The following ABCA2 variants were observed in gnomAD, a reference collection of about 807,000 sequenced individuals.
ABCA2 encodes ATP-binding cassette sub-family A member 2.
Under a neutral mutation model 262.8 loss-of-function variants are expected in ABCA2, and 84 were observed. That is an observed-to-expected ratio of 0.32 (90% CI 0.27 to 0.38). The LOEUF is 0.38. Ranked by LOEUF, ABCA2 falls within the 10% of genes least tolerant of loss-of-function variation. The probability of loss-of-function intolerance (pLI) is 1.00; values close to 1 mark genes in which losing one functional copy is unlikely to be tolerated. For synonymous variants in ABCA2, 1,696 were observed against 1,502.9 expected (o/e 1.13, Z -2.97); for missense variants, 2,662 against 3,405.9 (o/e 0.78, Z 5.44).
At chr9:137,023,812 C>A in intron 3 of ABCA2, 26 bp downstream of exon 3, 2 of 762,648 alleles carry the variant, frequency 2.6e-6, no homozygotes, top group Non-Finnish European at 4.8e-6. Context: ...CCCAGGCCAG[C>A]CAGGAGGAGG....
At chr9:137,017,369 C>T in intron 17 of ABCA2, 23 bp from the exon 18 acceptor site, 1 of 1,610,678 alleles carries the variant, frequency 6.2e-7, no homozygotes, top group Non-Finnish European at 8.5e-7. Flanking sequence ...GGGCCACGCG[C>T]ACCGTCATCC....
rs528850695 is a variant in ABCA2 at position 137,024,912 on chromosome 9, C to T, written c.67-676G>A. Among the ~76,000 whole-genome samples the T allele has an allele frequency of 8.5e-5, 13 of 152,070 alleles. No homozygotes were observed. In the East Asian group the frequency reaches 2.1e-3, roughly 25 times the overall value. ...CCCCCAAGTTCACACCATTCTCTTG[C>T]CTCAGCCTCTCGAGTAGCTGGGACT... On this transcript the variant is annotated intron_variant, in intron 1 of 48. Coordinates refer to ENST00000341511, the MANE Select transcript of ABCA2 (RefSeq NM_001606.5).
rs986426608 is a variant in ABCA2, at chr9:137,011,000, C to T, written c.6029G>A (p.Cys2010Tyr). The change falls in exon 39 of 49, where the codon TGC (cysteine) becomes TAC (tyrosine). Residue 2010 changes from cysteine (C) to tyrosine (Y), a missense_variant. By Grantham distance (194) the Cys-to-Tyr change is radical. This residue lies in a region of ABCA2 where 602 missense variants were observed against 897.4 expected (regional missense o/e 0.67). Coordinates refer to ENST00000341511, the MANE Select transcript of ABCA2 (RefSeq NM_001606.5). ...TGGCCGCCGCAGGAAGTTGTACTGG[C>T]ACATGATGGTCAGGAGGAAGCCCAC... ...GVVGFLLTIM[C>Y]QYNFLRRPQR... 15 of 1,595,856 alleles carry T rather than the reference C, an allele frequency of 9.4e-6. No individual in the cohort carries two copies. Among genetic ancestry groups the T allele is most frequent in the Admixed American group, 3.4e-5 (2 of 58,724 alleles).
rs932366501 is a variant in ABCA2, at chr9:137,008,575, C to T, written c.7116G>A (p.Gln2372=). 2 of 1,609,552 alleles carry T rather than the reference C, an allele frequency of 1.2e-6. No homozygotes were observed. Among genetic ancestry groups the T allele is most frequent in the Non-Finnish European group, 1.7e-6 (2 of 1,178,638 alleles). The part of the protein sequence containing the change: ...AKKQSDNLEQ[Q]ETEPPSALQS... ...GCAGTGCGGATGGCGGCTCCGTCTC[C>T]TGCTGCTCCAGGTTGTCACTCTGCT... The change falls in exon 48 of 49, where the codon CAG becomes CAA. Residue 2372 remains glutamine (Q), a synonymous_variant. Transcript: ENST00000341511.
In ABCA2 at chr9:137,016,383, C is replaced by T; in HGVS notation, c.3012G>A (p.Lys1004=). Residue 1004 remains lysine, a synonymous_variant, in exon 21 of 49, where the codon AAG becomes AAA. Coordinates refer to ENST00000341511, the MANE Select transcript of ABCA2 (RefSeq NM_001606.5). ...GGCTCAGCTTGTTCAGGGCCAGCTT[C>T]TTGTCGTCCTTGTAGACCTTGGTGA... ...DKLTKVYKDD[K]KLALNKLSLN... The T allele has an allele frequency of 6.2e-7, 1 of 1,612,952 alleles. No individual in the cohort carries two copies. The highest frequency in any genetic ancestry group is 8.5e-7 in the Non-Finnish European group (1 of 1,180,004).
chr9:137,014,767 C>T lies in ABCA2; in HGVS notation c.3926G>A (p.Gly1309Glu). ...SLDALHLSSF[G>E]LMDTTLEEVF... Reference sequence around the variant, plus strand: ...TTCCTCCAGGGTCGTGTCCATCAGCCCGAAGCTGCTGAGGTGCAGTGCATC... The same window carrying T: ...TTCCTCCAGGGTCGTGTCCATCAGCTCGAAGCTGCTGAGGTGCAGTGCATC... Residue 1309 changes from glycine (G) to glutamate (E), a missense_variant, in exon 26 of 49, where the codon GGG becomes GAG. Gly to Glu is a moderately conservative substitution (Grantham distance 98, BLOSUM62 -2). This residue lies in a region of ABCA2 where 297 missense variants were observed against 286.5 expected (regional missense o/e 1.04). Coordinates refer to ENST00000341511, the MANE Select transcript of ABCA2 (RefSeq NM_001606.5). 1.2e-6 allele frequency: 2 copies of T among 1,600,514 alleles called. No homozygotes were observed. Among genetic ancestry groups the T allele is most frequent in the Non-Finnish European group, 1.7e-6 (2 of 1,174,806 alleles).
Position 137,007,756 on chromosome 9 carries a change from G to A in ABCA2, c.*173C>T, listed in dbSNP as rs975307882. 1.8e-5 allele frequency: 16 copies of A among 887,280 alleles called. No individual in the cohort carries two copies. Among genetic ancestry groups the A allele is most frequent in the Non-Finnish European group, 2.6e-5 (15 of 575,930 alleles). 55.0% of individuals were successfully genotyped at this position (887,280 alleles called of 1,614,324 possible). Reference sequence around the variant, plus strand: ...GGCACAATTAGGGGCGGCAACCGCAGTGACCACAGGGCATGGCCGAGTACA... The same window carrying A: ...GGCACAATTAGGGGCGGCAACCGCAATGACCACAGGGCATGGCCGAGTACA... On this transcript the variant is annotated 3_prime_UTR_variant, in exon 49 of 49. Transcript: ENST00000341511.
chr9:137,013,119 G>A lies in ABCA2; in HGVS notation c.4750C>T (p.Leu1584=), dbSNP rs1424553849. The A allele has an allele frequency of 3.8e-6, 6 of 1,594,406 alleles. No homozygotes were observed. The highest frequency in any genetic ancestry group is 5.1e-6 in the Non-Finnish European group (6 of 1,172,938). Reference sequence around the variant, plus strand: ...GGTGGCACGAAATTGGACAGTGGCAGCCCCTGTGTGAAGGACTCCAGACAC... The same window carrying A: ...GGTGGCACGAAATTGGACAGTGGCAACCCCTGTGTGAAGGACTCCAGACAC... ...SMCLESFTQG[L]PLSNFVPPPP... is the part of the protein sequence containing the mutation. The change falls in exon 30 of 49, where the codon CTG becomes TTG. Residue 1584 remains leucine (L), a synonymous_variant. Coordinates refer to ENST00000341511, the MANE Select transcript of ABCA2 (RefSeq NM_001606.5).
At chr9:137,028,907 G>A, upstream of ABCA2, 1 of 1,291,274 alleles carries the variant, frequency 7.7e-7, no homozygotes, top group Non-Finnish European at 1.0e-6. This position sits in a 1 kb window ranked among gnomAD's most constrained non-coding sequence, Gnocchi z 6.9. Context: ...CAGGGAGTTC[G>A]GGATCAGGCG....
At position 137,011,459 on chromosome 9, in the gene ABCA2, C is replaced by G. The variant is rs868202013; in HGVS notation, c.5747G>C (p.Gly1916Ala). The G allele has an allele frequency of 1.2e-6, 2 of 1,610,200 alleles. No homozygotes were observed. Among genetic ancestry groups the G allele is most frequent in the Non-Finnish European group, 1.7e-6 (2 of 1,178,830 alleles). The part of the protein sequence containing the change: ...VFLIVINLFI[G>A]ITATVATFLL... ...GAAGGTGGCCACGGTGGCGGTGATG[C>G]CGATGAAGAGATTGATGACAATGAG... The change falls in exon 37 of 49, where the codon GGC becomes GCC. Residue 1916 changes from glycine (G) to alanine (A), a missense_variant. Coordinates refer to ENST00000341511, the MANE Select transcript of ABCA2 (RefSeq NM_001606.5). This position sits in a 1 kb window ranked among gnomAD's most constrained non-coding sequence, Gnocchi z 8.8.
chr9:137,014,333 T>G lies in ABCA2; in HGVS notation c.4075A>C (p.Asn1359His). ...GPASGEGHAG[N>H]LARCSELTQS... ...GTCAGCTCCGAGCACCGGGCCAGATTGCCAGCGTGACCCTCCCCAGACGCC... is the reference window on the plus strand; with the variant it reads ...GTCAGCTCCGAGCACCGGGCCAGATGGCCAGCGTGACCCTCCCCAGACGCC... The change falls in exon 27 of 49, where the codon AAT becomes CAT. Residue 1359 changes from asparagine (N) to histidine (H), a missense_variant. By Grantham distance (68) the Asn-to-His change is moderately conservative. Coordinates refer to ENST00000341511, the MANE Select transcript of ABCA2 (RefSeq NM_001606.5). 1 of 1,608,392 alleles carries G rather than the reference T, an allele frequency of 6.2e-7. No individual in the cohort carries two copies. Among genetic ancestry groups the G allele is most frequent in the Non-Finnish European group, 8.5e-7 (1 of 1,178,056 alleles).
At chr9:137,023,646 G>C in intron 3 of ABCA2, 192 bp downstream of exon 3, 1 of 687,092 alleles carries the variant, frequency 1.5e-6, no homozygotes, top group South Asian at 1.5e-5. Flanking sequence ...TTAGGTGGCC[G>C]GGCCTTTCAC....
Position 137,021,275 on chromosome 9 carries a change from G to A in ABCA2, c.897+117C>T, listed in dbSNP as rs1831444206. The stretch of plus-strand genomic sequence containing the variant: ...TGGTGCCATTGGATACCCACCCACA[G>A]GCAGCATCCCACGCACAGCCTGGGC... On this transcript the variant is annotated intron_variant, in intron 8 of 48. Transcript: ENST00000341511. The surrounding 1 kb of genome is among the most constrained non-coding windows in gnomAD (Gnocchi z 6.0). 1 of 1,373,106 alleles carries A rather than the reference G, an allele frequency of 7.3e-7. No homozygotes were observed. The highest frequency in any genetic ancestry group is 2.2e-5 in the Admixed American group (1 of 45,674). The allele number at this position is 1,373,106 out of a possible 1,614,324, so 85.1% of individuals were successfully genotyped here.
At chr9:137,023,625 C>A (rs1473175369) in intron 3 of ABCA2, 5 of 708,128 alleles carry the variant, frequency 7.1e-6, no homozygotes, top group Non-Finnish European at 1.3e-5. Context: ...ACCCAGGCAC[C>A]AGCTGTGCCT....
chr9:137,008,793 C>T lies in ABCA2; in HGVS notation c.7006G>A (p.Glu2336Lys). 6.2e-7 allele frequency: 1 copy of T among 1,603,788 alleles called. No homozygotes were observed. Among genetic ancestry groups the T allele is most frequent in the Non-Finnish European group, 8.5e-7 (1 of 1,177,768 alleles). Residue 2336 changes from glutamate to lysine, a missense_variant, in exon 47 of 49, where the codon GAG (glutamate) becomes AAG (lysine). By Grantham distance (56) the Glu-to-Lys change is moderately conservative. Around this residue, in one of 12 missense-constraint regions of ABCA2, gnomAD observed 212 missense variants for 214.4 expected, o/e 0.99. Coordinates refer to ENST00000341511, the MANE Select transcript of ABCA2 (RefSeq NM_001606.5). ...ISLAQVFSKM[E>K]QVSGVLGIED... is the part of the protein sequence containing the mutation. ...ATGCCCAGCACGCCAGACACCTGCTCCATCTTGCTGAACACCTGGGCCAGC... is the reference window on the plus strand; with the variant it reads ...ATGCCCAGCACGCCAGACACCTGCTTCATCTTGCTGAACACCTGGGCCAGC...
chr9:137,020,533 G>A (rs759291962), intron 9 of ABCA2, 38 bp from the exon 10 acceptor site: 8 of 1,556,352 alleles, frequency 5.1e-6, no homozygotes, highest in Non-Finnish European at 4.3e-6. Context: ...AGGCCGTTAG[G>A]GGGCAGGGCC....
chr9:137,023,277 T>C, intron 3 of ABCA2: 1 of 637,522 alleles, frequency 1.6e-6, no homozygotes, highest in Non-Finnish European at 2.8e-6. Flanking sequence ...AAAGAGCCAC[T>C]CACCACCCCT....
At chr9:137,015,192 A>T (rs1182330616) in intron 24 of ABCA2, 95 bp from the exon 25 acceptor site, 1 of 1,390,656 alleles carries the variant, frequency 7.2e-7, no homozygotes, top group Admixed American at 2.4e-5. Flanking sequence ...TGGGCATTGG[A>T]GAGGAAGAAC....
In ABCA2 at chr9:137,008,932, C is replaced by T. The variant is rs1355141035; in HGVS notation, c.6930+19G>A. On this transcript the variant is annotated intron_variant, in intron 46 of 48. Coordinates refer to ENST00000341511, the MANE Select transcript of ABCA2 (RefSeq NM_001606.5). ...CACCCCGTAGCGCCCCCTCCACAAC[C>T]CTGCCCGGGACGGCGCACCTTGAGC... 3 of 1,598,926 alleles carry T rather than the reference C, an allele frequency of 1.9e-6. No homozygotes were observed. The highest frequency in any genetic ancestry group is 2.2e-5 in the East Asian group (1 of 44,654).
Sources: allele counts gnomAD v4.1 joint callset (sites outside exome capture counted in the v4.1 genomes callset), GRCh38; gene constraint gnomAD v4.1.1; regional missense constraint gnomAD v4.1.1; non-coding constraint Gnocchi (gnomAD v3.1); transcripts MANE v1.5; gene names NCBI Gene and HGNC (gene_info 2026-07-23, HGNC 2026-07-21).